The following HEG1 variants were observed in gnomAD, a reference collection of about 807,000 sequenced individuals.
HEG1 encodes the protein protein HEG homolog 1.
In HEG1, 56 loss-of-function variants were observed where a neutral mutation model predicts 125.6. The observed-to-expected ratio is 0.45, with a 90% CI of 0.36 to 0.56. The LOEUF (loss-of-function observed/expected upper bound fraction) is 0.56. Ranked by LOEUF, HEG1 falls within the 20% of genes least tolerant of loss-of-function variation. The pLI is 0.00. For synonymous variants in HEG1, 644 were observed against 668.5 expected (o/e 0.96, Z 0.57); for missense variants, 1,523 against 1,670.0 (o/e 0.91, Z 1.53).
intron 3 of HEG1, among the ~76,000 whole-genome samples, chr3:125,022,198 C>T (rs934402214): frequency 2.0e-5 from 3 of 151,912 alleles, no homozygotes; most frequent in Non-Finnish European, 4.4e-5. Context: ...ACTAAAGTCA[C>T]AAAAAGAGAG....
Position 125,013,454 on chromosome 3 carries a change from A to G in HEG1, c.2125T>C (p.Ser709Pro). 6.2e-7 allele frequency: 1 copy of G among 1,613,898 alleles called. No homozygotes were observed. The highest frequency in any genetic ancestry group is 8.5e-7 in the Non-Finnish European group (1 of 1,179,826). ...GATGGTGAGGAAGACCATGGTGTGG[A>G]TGCATCAGAGGTAGACTTTAGTAGA... ...VHLLKSTSDA[S>P]TPWSSSPSPL... Residue 709 changes from serine (S) to proline (P), a missense_variant, in exon 6 of 17, where the codon TCC becomes CCC. Coordinates refer to ENST00000311127, the MANE Select transcript of HEG1 (RefSeq NM_020733.2).
rs556887902 is a variant in HEG1, at chr3:124,967,676, A to G, written c.*2976T>C. On this transcript the variant is annotated 3_prime_UTR_variant, in exon 17 of 17. Transcript: ENST00000311127. The stretch of plus-strand genomic sequence containing the variant: ...GGGGAGTCAGGCAGACAAGGGTTTC[A>G]GTCCTGCTTCTACAGGGCAAGCTAT... The G allele has an allele frequency of 6.6e-6, 1 of 152,314 alleles. No homozygotes were observed. The highest frequency in any genetic ancestry group is 1.9e-4 in the East Asian group (1 of 5,168). 9.4% of individuals were successfully genotyped at this position (152,314 alleles called of 1,614,324 possible). A position where few individuals can be genotyped will look rare whatever the true frequency, so the allele number is the denominator to read the frequency against.
At position 124,966,866 on chromosome 3, in the gene HEG1, G is replaced by A. The variant is rs1244842413; in HGVS notation, c.*3786C>T. Reference sequence around the variant, plus strand: ...TCATGCAGGCACCAAAAAGCCACACGTGGTGGGTGACCCAAAGGTGCCTGC... The same window carrying A: ...TCATGCAGGCACCAAAAAGCCACACATGGTGGGTGACCCAAAGGTGCCTGC... On this transcript the variant is annotated 3_prime_UTR_variant, in exon 17 of 17. Transcript: ENST00000311127. 2.6e-5 allele frequency: 4 copies of A among 152,236 alleles called. No individual in the cohort carries two copies. In the East Asian group the frequency reaches 5.8e-4, roughly 22 times the overall value. 9.4% of individuals were successfully genotyped at this position (152,236 alleles called of 1,614,324 possible).
chr3:124,993,435 A>C (rs1288326505), intron 12 of HEG1, among the ~76,000 whole-genome samples: 1 of 152,260 alleles, frequency 6.6e-6, no homozygotes, highest in Non-Finnish European at 1.5e-5. Flanking sequence ...TGCTGGCCTC[A>C]CTCAGGTGGG....
chr3:125,049,946 G>T (rs115679182), intron 1 of HEG1, among the ~76,000 whole-genome samples: 127 of 152,236 alleles, frequency 8.3e-4, no homozygotes, highest in Non-Finnish European at 1.5e-3. Flanking sequence ...CACCTTAACA[G>T]GCCTCTAAAG....
At chr3:124,999,932 G>C (rs143631969) in intron 11 of HEG1, among the ~76,000 whole-genome samples, 200 of 152,324 alleles carry the variant, frequency 1.3e-3, no homozygotes, top group African/African-American at 3.8e-3. Context: ...GATATTTTAT[G>C]AAGTGAAGAC....
At position 124,966,325 on chromosome 3, in the gene HEG1, G is replaced by A. The variant is rs1016840068; in HGVS notation, c.*4327C>T. 2.6e-5 allele frequency: 4 copies of A among 152,166 alleles called. No individual in the cohort carries two copies. The East Asian group carries it at 7.7e-4, about 29-fold the overall frequency. 9.4% of individuals were successfully genotyped at this position (152,166 alleles called of 1,614,324 possible). ...GGTTTCATAGGGTTTTCTGTGAGCA[G>A]TTTACACCAGATATGATGGAGTATA... On this transcript the variant is annotated 3_prime_UTR_variant, in exon 17 of 17. Transcript: ENST00000311127.
chr3:125,005,182 G>A, intron 9 of HEG1, 83 bp downstream of exon 9: 1 of 782,154 alleles, frequency 1.3e-6, no homozygotes, highest in Admixed American at 2.8e-5. Context: ...AGACACAGCT[G>A]ACCGCTAGGC....
In HEG1 at chr3:125,013,700, C is replaced by T. The variant is rs1280233253; in HGVS notation, c.1879G>A (p.Val627Ile). The T allele has an allele frequency of 6.2e-7, 1 of 1,613,956 alleles. No individual in the cohort carries two copies. The highest frequency in any genetic ancestry group is 8.5e-7 in the Non-Finnish European group (1 of 1,179,892). Reference sequence around the variant, plus strand: ...GACGGAAGGTTGGATGTATGCAGAACTGGCGACTCAGTAGAAGGCTGAGCA... The same window carrying T: ...GACGGAAGGTTGGATGTATGCAGAATTGGCGACTCAGTAGAAGGCTGAGCA... ...EYAQPSTESP[V>I]LHTSNLPSYT... The change falls in exon 6 of 17, where the codon GTT (valine) becomes ATT (isoleucine). Residue 627 changes from valine to isoleucine, a missense_variant. Transcript: ENST00000311127.
rs923177939 is a variant in HEG1, at chr3:124,970,462, A to C, written c.*190T>G. ...GTTCACAGTAACAACAAAGGTGCTGAATGAGCAGCCTGTGGTTCCACATCC... is the reference window on the plus strand; with the variant it reads ...GTTCACAGTAACAACAAAGGTGCTGCATGAGCAGCCTGTGGTTCCACATCC... On this transcript the variant is annotated 3_prime_UTR_variant, in exon 17 of 17. Coordinates refer to ENST00000311127, the MANE Select transcript of HEG1 (RefSeq NM_020733.2). The C allele has an allele frequency of 1.7e-6, 1 of 584,272 alleles. No homozygotes were observed. Among genetic ancestry groups the C allele is most frequent in the Non-Finnish European group, 3.1e-6 (1 of 327,734 alleles). 36.2% of individuals were successfully genotyped at this position (584,272 alleles called of 1,614,324 possible).
chr3:125,005,115 C>T (rs1299661147), intron 9 of HEG1, 150 bp downstream of exon 9: 1 of 609,584 alleles, frequency 1.6e-6, no homozygotes, highest in Non-Finnish European at 2.9e-6. Flanking sequence ...TTCTGAAAGG[C>T]TTTTTCTTTA....
In HEG1 at chr3:125,013,723, G is replaced by T; in HGVS notation, c.1856C>A (p.Ala619Asp). 1 of 1,614,038 alleles carries T rather than the reference G, an allele frequency of 6.2e-7. No individual in the cohort carries two copies. The highest frequency in any genetic ancestry group is 1.1e-5 in the South Asian group (1 of 91,084). Reference sequence around the variant, plus strand: ...AACTGGCGACTCAGTAGAAGGCTGAGCATATTCCCCGTCATAGGATGAGAT... The same window carrying T: ...AACTGGCGACTCAGTAGAAGGCTGATCATATTCCCCGTCATAGGATGAGAT... Reference protein sequence around the residue: ...SNISSYDGEYAQPSTESPVLH... With the variant: ...SNISSYDGEYDQPSTESPVLH... The change falls in exon 6 of 17, where the codon GCT becomes GAT. Residue 619 changes from alanine (A) to aspartate (D), a missense_variant. Ala to Asp is a moderately radical substitution (Grantham distance 126, BLOSUM62 -2). Coordinates refer to ENST00000311127, the MANE Select transcript of HEG1 (RefSeq NM_020733.2).
At chr3:124,978,796 G>C (rs1201803718) in intron 14 of HEG1, among the ~76,000 whole-genome samples, 1 of 75,158 alleles carries the variant, frequency 1.3e-5, no homozygotes, top group African/African-American at 5.0e-5. Context: ...GTGAGACTCT[G>C]TCTCAAAAAT....
intron 1 of HEG1, among the ~76,000 whole-genome samples, chr3:125,051,241 G>A (rs780167248): frequency 6.6e-6 from 1 of 152,132 alleles, no homozygotes. Flanking sequence ...TTACTCAATA[G>A]GTGTCCTCAT....
At chr3:124,980,317 C>T (rs1936624994) in intron 14 of HEG1, among the ~76,000 whole-genome samples, 1 of 152,226 alleles carries the variant, frequency 6.6e-6, no homozygotes, top group Non-Finnish European at 1.5e-5. Flanking sequence ...AGACCAGAGT[C>T]TGGCTCCTGC....
chr3:125,046,645 C>T (rs947695928), intron 1 of HEG1, among the ~76,000 whole-genome samples: 1 of 152,074 alleles, frequency 6.6e-6, no homozygotes, highest in Non-Finnish European at 1.5e-5. Flanking sequence ...CATTTCCATC[C>T]CTTGATAATG....
chr3:125,001,135 G>A (rs917221276), intron 11 of HEG1, among the ~76,000 whole-genome samples: 6 of 152,102 alleles, frequency 3.9e-5, no homozygotes, highest in Admixed American at 1.3e-4. Flanking sequence ...TGTTTATGGC[G>A]CCACTGTGGG....
intron 5 of HEG1, among the ~76,000 whole-genome samples, chr3:125,016,665 T>C (rs1352599281): frequency 6.6e-6 from 1 of 152,250 alleles, no homozygotes; most frequent in Admixed American, 6.5e-5. Flanking sequence ...CATATGCTTT[T>C]CCACATCACG....
Position 125,041,742 on chromosome 3 carries a change from C to A in HEG1, c.317-12254G>T, listed in dbSNP as rs116326779. On this transcript the variant is annotated intron_variant, in intron 1 of 16. Transcript: ENST00000311127. ...AAGGATAAACAAAATGTGGTATATACGTACAATGGGATATTATTCAGCCTT... is the reference window on the plus strand; with the variant it reads ...AAGGATAAACAAAATGTGGTATATAAGTACAATGGGATATTATTCAGCCTT... Among the ~76,000 whole-genome samples the A allele has an allele frequency of 2.6e-3, 397 of 152,274 alleles. 1 individual carries two copies. The highest frequency in any genetic ancestry group is 9.1e-3 in the African/African-American group (377 of 41,542).
Sources: allele counts gnomAD v4.1 joint callset (sites outside exome capture counted in the v4.1 genomes callset), GRCh38; gene constraint gnomAD v4.1.1; transcripts MANE v1.5; gene names NCBI Gene and HGNC (gene_info 2026-07-23, HGNC 2026-07-21).